Variants in ANAPC5 observed in about 807,000 individuals in gnomAD.
The protein encoded by ANAPC5 is anaphase promoting complex subunit 5, also known as anaphase-promoting complex subunit 5.
ANAPC5 carries 60 observed loss-of-function variants against 91.3 expected under a neutral mutation model. The observed-to-expected ratio is 0.66, with a 90% CI of 0.53 to 0.81. The LOEUF (loss-of-function observed/expected upper bound fraction) is 0.81, where lower values mean the gene tolerates loss of function less well. Among genes scored for constraint, ANAPC5 ranks in the 40% least tolerant of loss-of-function variants. The probability of loss-of-function intolerance (pLI) is 0.00; values close to 1 mark genes in which losing one functional copy is unlikely to be tolerated. For missense variants in ANAPC5, 690 were observed against 931.5 expected, an observed-to-expected ratio of 0.74 and a Z score of 3.37; for synonymous variants, 340 against 364.1, an observed-to-expected ratio of 0.93 and a Z score of 0.75.
At chr12:121,339,056 T>G (rs1325985663) in intron 5 of ANAPC5, among the ~76,000 whole-genome samples, 1 of 128,478 alleles carries the variant, frequency 7.8e-6, no homozygotes, top group African/African-American at 2.9e-5. Context: ...TTTTTTTTCT[T>G]TTTTTTTTTT....
intron 15 of ANAPC5, among the ~76,000 whole-genome samples, chr12:121,315,007 T>C (rs553137977): frequency 7.3e-4 from 111 of 152,070 alleles, no homozygotes; most frequent in African/African-American, 2.5e-3. Context: ...ATACAGGGCA[T>C]CTAAGTGGGA....
At chr12:121,352,715 T>TGGTGGTGG (rs1555275616), upstream of ANAPC5, among the ~76,000 whole-genome samples, 5 of 30,624 alleles carry the variant, frequency 1.6e-4, no homozygotes, top group Non-Finnish European at 4.2e-4. Flanking sequence ...TTGGTTGTTG[T>TGGTGGTGG]TGTTGGTGGT....
At position 121,309,687 on chromosome 12, in the gene ANAPC5, G is replaced by A. The variant is rs910433042; in HGVS notation, c.2056+14C>T. On this transcript the variant is annotated intron_variant, in intron 16 of 16. Transcript: ENST00000261819. ...GGAATAGCATTGCCTAACAGTCTTC[G>A]TACAGCTTCCTACCTTCTGCTTTCT... 8.1e-6 allele frequency: 13 copies of A among 1,610,176 alleles called. No individual in the cohort carries two copies. Among genetic ancestry groups the A allele is most frequent in the African/African-American group, 2.7e-5 (2 of 74,726 alleles).
At chr12:121,318,646 AG>A in intron 13 of ANAPC5, 38 bp from the exon 14 acceptor site, 1 of 1,501,542 alleles carries the variant, frequency 6.7e-7, no homozygotes, top group Non-Finnish European at 9.3e-7. Flanking sequence ...TGTTTTAACT[AG>A]TCACTTTGAG....
In ANAPC5 at chr12:121,308,253, A is replaced by AAAATACCC. The variant is rs1190830234; in HGVS notation, c.*219_*226dup. The AAAATACCC allele has an allele frequency of 1.9e-6, 1 of 515,280 alleles. No individual in the cohort carries two copies. The highest frequency in any genetic ancestry group is 3.5e-6 in the Non-Finnish European group (1 of 285,448). The allele number at this position is 515,280 out of a possible 1,614,324, so 31.9% of individuals were successfully genotyped here. A position where few individuals can be genotyped will look rare whatever the true frequency, so the allele number is the denominator to read the frequency against. On this transcript the variant is annotated 3_prime_UTR_variant, in exon 17 of 17. Transcript: ENST00000261819. ...GAGATGCTTGCACTAACTTGTTAGC[A>AAAATACCC]AAATACCCATTTATTAAGAAAAAGT... is the stretch of plus-strand genomic sequence containing the variant.
At chr12:121,351,788 G>A (rs1903902099) in intron 1 of ANAPC5, among the ~76,000 whole-genome samples, 1 of 151,980 alleles carries the variant, frequency 6.6e-6, no homozygotes, top group African/African-American at 2.4e-5. Context: ...GTTTATTACG[G>A]TCCTCTAGGA....
intron 13 of ANAPC5, among the ~76,000 whole-genome samples, 155 bp from the exon 14 acceptor site, chr12:121,318,763 G>C (rs1902472043): frequency 1.3e-5 from 2 of 152,160 alleles, no homozygotes; most frequent in Admixed American, 1.3e-4. Flanking sequence ...GCTCACACCT[G>C]TAATCCCAGC....
intron 3 of ANAPC5, 43 bp downstream of exon 3, chr12:121,346,853 T>G: frequency 1.1e-5 from 14 of 1,288,466 alleles, no homozygotes; most frequent in Non-Finnish European, 1.5e-5. Context: ...AGCTGCTCAC[T>G]TCAATGAAAA....
At chr12:121,329,617 CT>C (rs201582258) in intron 9 of ANAPC5, among the ~76,000 whole-genome samples, 6,852 of 137,950 alleles carry the variant, frequency 0.05, 196 homozygotes, top group East Asian at 0.18. Context: ...CTTGTGCTTC[CT>C]TTTTTTTTTT....
chr12:121,308,842 G>A, intron 16 of ANAPC5, 151 bp from the exon 17 acceptor site: 1 of 719,346 alleles, frequency 1.4e-6, no homozygotes, highest in South Asian at 1.8e-5. Flanking sequence ...AACCACTAGG[G>A]TGAGGTTTTC....
chr12:121,322,938 T>C (rs768508138), intron 11 of ANAPC5, among the ~76,000 whole-genome samples: 4 of 152,020 alleles, frequency 2.6e-5, no homozygotes, highest in African/African-American at 4.8e-5. Flanking sequence ...GGCAGGAGAA[T>C]CGCTTGAACC....
intron 10 of ANAPC5, 73 bp from the exon 11 acceptor site, chr12:121,327,304 A>C: frequency 5.1e-6 from 8 of 1,573,796 alleles, no homozygotes; most frequent in Non-Finnish European, 6.0e-6. Flanking sequence ...CCCGTCAGCT[A>C]TCTTGAGTGG....
At position 121,330,629 on chromosome 12, in the gene ANAPC5, A is replaced by G; in HGVS notation, c.1076T>C (p.Val359Ala). Residue 359 changes from valine (V) to alanine (A), a missense_variant, in exon 9 of 17, where the codon GTT (valine) becomes GCT (alanine). Val to Ala is a moderately conservative substitution (Grantham distance 64). Transcript: ENST00000261819. ...CTTCTTCACAGAATGCTCCAGCAGAACATAGCTATCGGATCTCTTCTGCCC... is the reference window on the plus strand; with the variant it reads ...CTTCTTCACAGAATGCTCCAGCAGAGCATAGCTATCGGATCTCTTCTGCCC... The part of the protein sequence containing the change: ...VLGQKRSDSY[V>A]LLEHSVKKAV... The G allele has an allele frequency of 6.2e-7, 1 of 1,614,178 alleles. No homozygotes were observed. Among genetic ancestry groups the G allele is most frequent in the Non-Finnish European group, 8.5e-7 (1 of 1,180,004 alleles).
At position 121,315,764 on chromosome 12, in the gene ANAPC5, G is replaced by A. The variant is rs1902331897; in HGVS notation, c.1893+2513C>T. Among the ~76,000 whole-genome samples, 3 of 152,246 alleles carry A rather than the reference G, an allele frequency of 2.0e-5. No individual in the cohort carries two copies. In the South Asian group the frequency reaches 6.2e-4, roughly 32 times the overall value. On this transcript the variant is annotated intron_variant, in intron 15 of 16. Coordinates refer to ENST00000261819, the MANE Select transcript of ANAPC5 (RefSeq NM_016237.5). ...TATATCCGTATGCAGAAGAATAAGA[G>A]TGGAGCCCTATCTCATAGTATATAC... is the stretch of plus-strand genomic sequence containing the variant.
In ANAPC5 at chr12:121,337,195, C is replaced by T. The variant is rs1277290350; in HGVS notation, c.759+96G>A. 4 of 970,782 alleles carry T rather than the reference C, an allele frequency of 4.1e-6. No individual in the cohort carries two copies. In the African/African-American group the frequency reaches 4.9e-5, roughly 12 times the overall value. The allele number at this position is 970,782 out of a possible 1,614,324, so 60.1% of individuals were successfully genotyped here. On this transcript the variant is annotated intron_variant, in intron 6 of 16. Coordinates refer to ENST00000261819, the MANE Select transcript of ANAPC5 (RefSeq NM_016237.5). ...GTCGTGCCACTGCACTCCAGCCTGGCAACAGAGTAAGACTCTGTTTCCAAA... is the reference window on the plus strand; with the variant it reads ...GTCGTGCCACTGCACTCCAGCCTGGTAACAGAGTAAGACTCTGTTTCCAAA...
chr12:121,351,247 C>T, intron 1 of ANAPC5: 1 of 333,844 alleles, frequency 3.0e-6, no homozygotes, highest in Non-Finnish European at 5.9e-6. Flanking sequence ...GTGACCCGCG[C>T]CTGTACTCCC....
chr12:121,311,865 A>G (rs547625103), intron 15 of ANAPC5, among the ~76,000 whole-genome samples: 1 of 152,266 alleles, frequency 6.6e-6, no homozygotes, highest in Admixed American at 6.5e-5. Context: ...AACCACAATA[A>G]TAGTTGGGGA....
At chr12:121,347,615 A>C (rs1292079817) in intron 2 of ANAPC5, 187 bp downstream of exon 2, 2 of 585,984 alleles carry the variant, frequency 3.4e-6, no homozygotes, top group Non-Finnish European at 6.0e-6. Flanking sequence ...TGGGCAACAG[A>C]ATGAGACCCT....
intron 2 of ANAPC5, 167 bp downstream of exon 2, chr12:121,347,634 AG>A: frequency 1.7e-6 from 1 of 604,294 alleles, no homozygotes; most frequent in Non-Finnish European, 2.9e-6. Context: ...CTGTCTCCAA[AG>A]AAAAAGCTAT....
Sources: gnomAD v4.1 joint callset for allele counts (sites outside exome capture counted in the v4.1 genomes callset) on GRCh38, gnomAD v4.1.1 for gene constraint, MANE v1.5 for transcripts, NCBI Gene and HGNC (gene_info 2026-07-23, HGNC 2026-07-21) for gene names.